Variants in HSPA12A observed in about 807,000 individuals in gnomAD.
The protein encoded by HSPA12A is heat shock protein family A (Hsp70) member 12A.
A neutral mutation model predicts 69.2 loss-of-function variants in HSPA12A; 28 were observed. That is an observed-to-expected ratio of 0.40 (90% CI 0.30 to 0.55). The LOEUF is 0.55. HSPA12A is among the 20% of genes least tolerant of loss of function. The pLI is 0.38. For missense variants in HSPA12A, 686 were observed against 900.7 expected, an observed-to-expected ratio of 0.76 and a Z score of 3.05; for synonymous variants, 345 against 370.5, an observed-to-expected ratio of 0.93 and a Z score of 0.79.
At chr10:116,784,758 G>T (rs2133142435) in intron 2 of HSPA12A, among the ~76,000 whole-genome samples, 1 of 152,270 alleles carries the variant, frequency 6.6e-6, no homozygotes, top group East Asian at 1.9e-4. Context: ...GGCTGAGCTG[G>T]GTCAATGAAT....
In HSPA12A at chr10:116,847,854, G is replaced by A. The variant is rs547939063; in HGVS notation, c.3+1712C>T. Among the ~76,000 whole-genome samples the A allele has an allele frequency of 8.7e-4, 132 of 152,294 alleles. 2 individuals carry two copies. In the South Asian group the frequency reaches 0.026, roughly 30 times the overall value. ...CAGGATACTCGCAATCTTCCATTGA[G>A]ATGTCAAATGAATCAAGACATCCCT... On this transcript the variant is annotated intron_variant, in intron 1 of 12. Transcript: ENST00000635765.
At chr10:116,676,233 C>T (rs928159978) in intron 11 of HSPA12A, among the ~76,000 whole-genome samples, 166 bp downstream of exon 11, 2 of 152,228 alleles carry the variant, frequency 1.3e-5, no homozygotes, top group Non-Finnish European at 1.5e-5. Context: ...TGCCCAGTAA[C>T]CTCTCCCATA....
At chr10:116,783,094 C>T (rs782634706) in intron 2 of HSPA12A, among the ~76,000 whole-genome samples, 2 of 152,184 alleles carry the variant, frequency 1.3e-5, no homozygotes, top group Non-Finnish European at 2.9e-5. Context: ...AAACAGATAC[C>T]AATCACGTCC....
intron 1 of HSPA12A, among the ~76,000 whole-genome samples, chr10:116,838,163 C>T (rs1845748886): frequency 1.3e-5 from 2 of 151,810 alleles, no homozygotes; most frequent in African/African-American, 4.8e-5. Flanking sequence ...GGTCTAGGCA[C>T]AGGAAAGTGG....
chr10:116,822,304 T>A (rs900629551), intron 2 of HSPA12A, among the ~76,000 whole-genome samples: 2 of 152,222 alleles, frequency 1.3e-5, no homozygotes, highest in Non-Finnish European at 2.9e-5. Context: ...TCGGTGATCC[T>A]CAGCTTCTCC....
Position 116,686,069 on chromosome 10 carries a change from A to G in HSPA12A, c.664-2107T>C, listed in dbSNP as rs1849568121. Reference sequence around the variant, plus strand: ...GTCAACAGGGCCCTGACTCAGGTGCATGACAGGATTTCCCACTGCCCCCTA... The same window carrying G: ...GTCAACAGGGCCCTGACTCAGGTGCGTGACAGGATTTCCCACTGCCCCCTA... On this transcript the variant is annotated intron_variant, in intron 6 of 11. Transcript: ENST00000369209. This position sits in a 1 kb window ranked among gnomAD's most constrained non-coding sequence, Gnocchi z 4.1. Among the ~76,000 whole-genome samples the G allele has an allele frequency of 6.6e-6, 1 of 152,210 alleles. No homozygotes were observed. The highest frequency in any genetic ancestry group is 6.5e-5 in the Admixed American group (1 of 15,278).
At chr10:116,741,935 C>T (rs964383528) in intron 1 of HSPA12A, among the ~76,000 whole-genome samples, 22 of 152,284 alleles carry the variant, frequency 1.4e-4, no homozygotes, top group African/African-American at 5.1e-4. Context: ...TGGGATGGGG[C>T]GAGGGAACAG....
chr10:116,741,520 C>A (rs1374544217), intron 1 of HSPA12A, among the ~76,000 whole-genome samples: 3 of 152,206 alleles, frequency 2.0e-5, no homozygotes, highest in Non-Finnish European at 4.4e-5. Context: ...CAGGGACGCG[C>A]GGCGCCTCCA....
At chr10:116,803,267 G>T (rs542729017) in intron 2 of HSPA12A, among the ~76,000 whole-genome samples, 1 of 152,348 alleles carries the variant, frequency 6.6e-6, no homozygotes, top group South Asian at 2.1e-4. Context: ...CGACTCCTTG[G>T]GGAGCCAACA....
At chr10:116,779,475 T>C (rs1844414954) in intron 2 of HSPA12A, among the ~76,000 whole-genome samples, 1 of 152,062 alleles carries the variant, frequency 6.6e-6, no homozygotes, top group African/African-American at 2.4e-5. Context: ...TGGACTCGGG[T>C]GTGGCCACGT....
chr10:116,703,654 T>C (rs1302525751), intron 3 of HSPA12A, among the ~76,000 whole-genome samples: 1 of 151,820 alleles, frequency 6.6e-6, no homozygotes, highest in African/African-American at 2.4e-5. Flanking sequence ...ATCTTCAGAG[T>C]CATCCCTTGG....
At chr10:116,850,616 A>T (rs2133237861), upstream of HSPA12A, among the ~76,000 whole-genome samples, 1 of 152,026 alleles carries the variant, frequency 6.6e-6, no homozygotes, top group South Asian at 2.1e-4. Context: ...GAAGAGGCAG[A>T]TGTGCTGTCA....
intron 2 of HSPA12A, chr10:116,750,209 C>T: frequency 1.4e-6 from 1 of 716,070 alleles, no homozygotes. Context: ...TCCTGGCCTG[C>T]TGCTGGCCTG....
chr10:116,799,206 A>G (rs563342593), intron 2 of HSPA12A, among the ~76,000 whole-genome samples: 22 of 151,618 alleles, frequency 1.5e-4, no homozygotes, highest in African/African-American at 4.8e-4. Context: ...CATCTTCACT[A>G]CCCCTCACAG....
intron 1 of HSPA12A, among the ~76,000 whole-genome samples, chr10:116,740,678 G>GTGTGTGTGTGTGTGTGTGTC (rs1851469958): frequency 2.0e-5 from 1 of 50,570 alleles, no homozygotes; most frequent in Non-Finnish European, 4.1e-5. Context: ...GTGTGTGTCT[G>GTGTGTGTGTGTGTGTGTGTC]TGTGTGTGTG....
chr10:116,817,464 G>A (rs960436484), intron 2 of HSPA12A, among the ~76,000 whole-genome samples: 8 of 149,418 alleles, frequency 5.4e-5, no homozygotes, highest in African/African-American at 2.0e-4. Context: ...TCAGGGACAG[G>A]CTGGTCTTCT....
chr10:116,759,371 G>C (rs1843922046), intron 2 of HSPA12A, among the ~76,000 whole-genome samples: 1 of 152,204 alleles, frequency 6.6e-6, no homozygotes, highest in African/African-American at 2.4e-5. Context: ...AGAGGAAGAT[G>C]TTAATATGTC....
intron 2 of HSPA12A, among the ~76,000 whole-genome samples, chr10:116,806,947 G>A (rs990169105): frequency 2.6e-5 from 4 of 152,214 alleles, no homozygotes; most frequent in African/African-American, 9.6e-5. Context: ...AGTGGCAAGC[G>A]TCTTTGCAGG....
At chr10:116,785,654 C>T (rs529698697) in intron 2 of HSPA12A, among the ~76,000 whole-genome samples, 2 of 152,270 alleles carry the variant, frequency 1.3e-5, no homozygotes, top group South Asian at 2.1e-4. Context: ...TGCTGCTGTT[C>T]ATGATCCCTC....
Sources: allele counts gnomAD v4.1 joint callset (sites outside exome capture counted in the v4.1 genomes callset), GRCh38; gene constraint gnomAD v4.1.1; non-coding constraint Gnocchi (gnomAD v3.1); transcripts MANE v1.5; gene names NCBI Gene and HGNC (gene_info 2026-07-23, HGNC 2026-07-21).